UTS2B: variants seen among roughly 807,000 people sequenced by gnomAD.
The protein encoded by UTS2B is urotensin 2B, also known as urotensin-2B.
UTS2B carries 21 observed loss-of-function variants against 19.2 expected under a neutral mutation model. That is an observed-to-expected ratio of 1.09 (90% CI 0.78 to 1.58). The LOEUF is 1.58. Ranked by LOEUF, UTS2B falls within the 40% of genes most tolerant of loss-of-function variation. UTS2B has a pLI of 0.00. For synonymous variants in UTS2B, 57 were observed against 50.2 expected (o/e 1.14, Z -0.58); for missense variants, 138 against 130.3 (o/e 1.06, Z -0.29).
chr3:191,316,969 G>C (rs916609185), intron 2 of UTS2B, among the ~76,000 whole-genome samples: 6 of 152,258 alleles, frequency 3.9e-5, no homozygotes, highest in Non-Finnish European at 5.9e-5. Flanking sequence ...TCCCACGCCG[G>C]GGCTGCCGGC....
chr3:191,308,583 C>A (rs1178800595), intron 3 of UTS2B, among the ~76,000 whole-genome samples: 2 of 152,116 alleles, frequency 1.3e-5, no homozygotes, highest in African/African-American at 2.4e-5. Context: ...TTGTCTTGTG[C>A]ATTGTCTGAT....
intron 8 of UTS2B, among the ~76,000 whole-genome samples, chr3:191,274,100 G>GA (rs77466936): frequency 2.8e-4 from 39 of 141,256 alleles, no homozygotes; most frequent in East Asian, 4.0e-4. Context: ...CCGTCTCAAA[G>GA]AAAAAAAAAA....
At chr3:191,343,414 T>G in the UTS2B span, among the ~76,000 whole-genome samples, 1 of 152,246 alleles carries the variant, frequency 6.6e-6, no homozygotes, top group Non-Finnish European at 1.5e-5. Flanking sequence ...CTGTGCAGTG[T>G]ACTGCAGAAG....
chr3:191,342,836 A>G, the UTS2B span, among the ~76,000 whole-genome samples: 1 of 152,226 alleles, frequency 6.6e-6, no homozygotes, highest in Non-Finnish European at 1.5e-5. Flanking sequence ...AAAATTGTCT[A>G]CTACTGCTTA....
intron 2 of UTS2B, among the ~76,000 whole-genome samples, chr3:191,327,714 A>ATT (rs1717783137): frequency 6.6e-6 from 1 of 152,320 alleles, no homozygotes; most frequent in South Asian, 2.1e-4. Context: ...GGGCCTAGTG[A>ATT]TTTATCTGTA....
chr3:191,311,477 T>C lies in UTS2B; in HGVS notation c.-182+4559A>G, dbSNP rs907524798. ...TCATCCCTGGGAAATCCATGATCTA[T>C]TGGGCATCACCATTGCTCTCTGATA... is the stretch of plus-strand genomic sequence containing the variant. On this transcript the variant is annotated intron_variant, in intron 3 of 8. Transcript: ENST00000340524. Among the ~76,000 whole-genome samples the C allele has an allele frequency of 3.3e-5, 5 of 152,214 alleles. No individual in the cohort carries two copies. In the South Asian group the frequency reaches 6.2e-4, roughly 19 times the overall value.
intron 8 of UTS2B, chr3:191,273,609 C>T (rs1283411856): frequency 4.4e-6 from 2 of 456,358 alleles, no homozygotes; most frequent in Admixed American, 2.4e-5. Flanking sequence ...GCATTGGACT[C>T]GATTCCCGAC....
chr3:191,270,396 C>T (rs1716055346), intron 8 of UTS2B, among the ~76,000 whole-genome samples: 1 of 152,116 alleles, frequency 6.6e-6, no homozygotes, highest in Non-Finnish European at 1.5e-5. Context: ...CACAGCCTCC[C>T]TATATTGGCC....
chr3:191,327,658 CA>C (rs1717781113), intron 2 of UTS2B, among the ~76,000 whole-genome samples: 1 of 152,164 alleles, frequency 6.6e-6, no homozygotes, highest in African/African-American at 2.4e-5. Flanking sequence ...GATTTTCTGC[CA>C]GTGCTTCCCA....
At chr3:191,288,907 C>G (rs559640890) in intron 4 of UTS2B, among the ~76,000 whole-genome samples, 5 of 121,042 alleles carry the variant, frequency 4.1e-5, no homozygotes, top group East Asian at 2.5e-4. Flanking sequence ...TCCAAAGCAC[C>G]AGCAACAAAA....
chr3:191,271,649 G>T (rs1255477645), intron 8 of UTS2B, among the ~76,000 whole-genome samples: 1 of 152,112 alleles, frequency 6.6e-6, no homozygotes, highest in East Asian at 1.9e-4. Context: ...TGCCTCATCT[G>T]CTCAGTTTCT....
rs1473534457 is a variant in UTS2B, at chr3:191,329,949, G to C, written c.-665+465C>G. Among the ~76,000 whole-genome samples, 107 of 142,996 alleles carry C rather than the reference G, an allele frequency of 7.5e-4. 3 individuals are homozygous for C. Among genetic ancestry groups the C allele is most frequent in the Middle Eastern group, 3.6e-3 (1 of 280 alleles). 93.8% of individuals were successfully genotyped at this position (142,996 alleles called of 152,430 possible). A position where few individuals can be genotyped will look rare whatever the true frequency, so the allele number is the denominator to read the frequency against. On this transcript the variant is annotated intron_variant, in intron 1 of 8. Transcript: ENST00000340524. Reference sequence around the variant, plus strand: ...TTTTCTCAAGGGGGTGGTTGGGGGGGGGGGGGGCTAGCAGCAGCCCCAGCA... The same window carrying C: ...TTTTCTCAAGGGGGTGGTTGGGGGGCGGGGGGGCTAGCAGCAGCCCCAGCA...
intron 5 of UTS2B, 25 bp from the exon 6 acceptor site, chr3:191,278,195 T>A (rs1716291090): frequency 7.6e-7 from 1 of 1,319,642 alleles, no homozygotes; most frequent in Admixed American, 2.8e-5. Context: ...AACCACCATT[T>A]TCAATTTGAG....
rs554411143 is a variant in UTS2B, at chr3:191,270,087, T to C, written c.335-1646A>G. ...ATTAAAAGATTAAAGAAAGGTACAATATTTCACAGTAAGCGTAAGTTTTTA... is the reference window on the plus strand; with the variant it reads ...ATTAAAAGATTAAAGAAAGGTACAACATTTCACAGTAAGCGTAAGTTTTTA... On this transcript the variant is annotated intron_variant, in intron 8 of 8. Transcript: ENST00000340524. Among the ~76,000 whole-genome samples the C allele has an allele frequency of 5.9e-5, 9 of 152,366 alleles. 1 individual carries two copies. The East Asian group carries it at 1.7e-3, about 29-fold the overall frequency.
intron 2 of UTS2B, among the ~76,000 whole-genome samples, chr3:191,327,158 G>T (rs544791766): frequency 6.6e-6 from 1 of 152,346 alleles, no homozygotes; most frequent in East Asian, 1.9e-4. Context: ...TTACTGAAAA[G>T]AATGTAATGA....
chr3:191,315,018 T>G, intron 3 of UTS2B, among the ~76,000 whole-genome samples: 1 of 151,924 alleles, frequency 6.6e-6, no homozygotes, highest in South Asian at 2.1e-4. Context: ...CTAGAATTTT[T>G]TTTTTTTTTT....
At chr3:191,314,839 C>T (rs1717402418) in intron 3 of UTS2B, among the ~76,000 whole-genome samples, 1 of 152,102 alleles carries the variant, frequency 6.6e-6, no homozygotes, top group African/African-American at 2.4e-5. Flanking sequence ...ATAGCTGACA[C>T]GTGGAGGTTT....
chr3:191,303,789 A>C (rs987168013), intron 4 of UTS2B, among the ~76,000 whole-genome samples: 1 of 152,166 alleles, frequency 6.6e-6, no homozygotes, highest in Non-Finnish European at 1.5e-5. Flanking sequence ...AGTACAATGA[A>C]CAGTTGTCTG....
At chr3:191,299,153 C>T (rs189631907) in intron 4 of UTS2B, among the ~76,000 whole-genome samples, 6 of 152,316 alleles carry the variant, frequency 3.9e-5, no homozygotes, top group Admixed American at 2.6e-4. Flanking sequence ...AAATTTGCAG[C>T]TCAGCCATAT....
Sources: gnomAD v4.1 joint callset for allele counts (sites outside exome capture counted in the v4.1 genomes callset) on GRCh38, gnomAD v4.1.1 for gene constraint, MANE v1.5 for transcripts, NCBI Gene and HGNC (gene_info 2026-07-23, HGNC 2026-07-21) for gene names.